Variants in SLCO5A1 observed in about 807,000 individuals in gnomAD.
SLCO5A1 encodes the protein organic anion transporter polypeptide-related protein 4.
Under a neutral mutation model 65.1 loss-of-function variants are expected in SLCO5A1, and 39 were observed. That is an observed-to-expected ratio of 0.60 (90% CI 0.46 to 0.78). The LOEUF is 0.78. Ranked by LOEUF, SLCO5A1 falls within the 30% of genes least tolerant of loss-of-function variation. SLCO5A1 has a pLI of 0.00. For synonymous variants in SLCO5A1, 438 were observed against 415.7 expected (o/e 1.05, Z -0.65); for missense variants, 1,029 against 1,069.4 (o/e 0.96, Z 0.53).
chr8:69,813,311 C>T (rs558970966), intron 2 of SLCO5A1, among the ~76,000 whole-genome samples: 2 of 152,320 alleles, frequency 1.3e-5, no homozygotes, highest in Admixed American at 1.3e-4. Context: ...TAAGAATTCC[C>T]ACATGCTAGA....
chr8:69,813,990 T>C (rs779013399), intron 2 of SLCO5A1, among the ~76,000 whole-genome samples: 2 of 152,158 alleles, frequency 1.3e-5, no homozygotes, highest in Non-Finnish European at 2.9e-5. Flanking sequence ...ATCTATAAAA[T>C]GTGAGAAGTA....
chr8:69,742,535 A>G (rs1408085134), intron 4 of SLCO5A1, among the ~76,000 whole-genome samples: 2 of 152,216 alleles, frequency 1.3e-5, no homozygotes, highest in Non-Finnish European at 2.9e-5. Context: ...CCAAAATTCA[A>G]GAGGTTATAA....
chr8:69,809,122 A>G (rs1414877805), intron 2 of SLCO5A1, among the ~76,000 whole-genome samples: 12 of 152,158 alleles, frequency 7.9e-5, no homozygotes, highest in Non-Finnish European at 2.9e-5. Flanking sequence ...AATAAATAAA[A>G]GAATTCATAA....
chr8:69,794,013 A>T (rs1819385330), intron 2 of SLCO5A1: 1 of 184,194 alleles, frequency 5.4e-6, no homozygotes, highest in South Asian at 1.2e-4. Flanking sequence ...GCCCAGAGAG[A>T]TCAAGTCTGC....
rs774859214 is a variant in SLCO5A1 at position 69,673,197 on chromosome 8, C to A, written c.2219G>T (p.Gly740Val). The A allele has an allele frequency of 6.2e-7, 1 of 1,614,176 alleles. No homozygotes were observed. Among genetic ancestry groups the A allele is most frequent in the South Asian group, 1.1e-5 (1 of 91,080 alleles). The change falls in exon 10 of 10, where the codon GGT (glycine) becomes GTT (valine). Residue 740 changes from glycine to valine, a missense_variant. By Grantham distance (109) the Gly-to-Val change is moderately radical. Around this residue, in one of 3 missense-constraint regions of SLCO5A1, gnomAD observed 258 missense variants for 237.4 expected, o/e 1.09. Coordinates refer to ENST00000260126, the MANE Select transcript of SLCO5A1 (RefSeq NM_030958.3). ...AACGAATTTGAGGCCGGCAGCCAAACCAAAATACACAAAACGAAACGACGT... is the reference window on the plus strand; with the variant it reads ...AACGAATTTGAGGCCGGCAGCCAAAACAAAATACACAAAACGAAACGACGT... Reference protein sequence around the residue: ...NVTSFRFVYFGLAAGLKFVGF... With the variant: ...NVTSFRFVYFVLAAGLKFVGF...
intron 2 of SLCO5A1, among the ~76,000 whole-genome samples, chr8:69,765,259 TAC>T (rs1818006804): frequency 6.6e-6 from 1 of 152,102 alleles, no homozygotes; most frequent in East Asian, 1.9e-4. Context: ...CATATACAAC[TAC>T]ATATATGTGT....
chr8:69,731,666 C>A (rs1228437461), intron 5 of SLCO5A1, among the ~76,000 whole-genome samples: 1 of 152,234 alleles, frequency 6.6e-6, no homozygotes, highest in East Asian at 1.9e-4. Context: ...GATATTAATA[C>A]ATACCTCTCT....
At chr8:69,830,567 C>A (rs1821113848) in intron 2 of SLCO5A1, among the ~76,000 whole-genome samples, 1 of 152,122 alleles carries the variant, frequency 6.6e-6, no homozygotes, top group African/African-American at 2.4e-5. Flanking sequence ...AATAGAAAAA[C>A]AAAAATCTCA....
chr8:69,715,017 T>C (rs1438723690), intron 5 of SLCO5A1: 1 of 152,202 alleles, frequency 6.6e-6, no homozygotes, highest in African/African-American at 2.4e-5. Flanking sequence ...TAAAAGAGAA[T>C]GCTGAGCTGT....
chr8:69,680,699 C>T (rs1813732234), intron 7 of SLCO5A1, among the ~76,000 whole-genome samples: 1 of 151,942 alleles, frequency 6.6e-6, no homozygotes. Flanking sequence ...TTTGAGAAAT[C>T]TCCAAACTGC....
intron 3 of SLCO5A1, among the ~76,000 whole-genome samples, chr8:69,756,967 C>T (rs1817563875): frequency 6.6e-6 from 1 of 152,234 alleles, no homozygotes. Context: ...TCAACACATT[C>T]CCATCAACTG....
At chr8:69,814,535 GA>G (rs1820328946) in intron 2 of SLCO5A1, among the ~76,000 whole-genome samples, 1 of 152,150 alleles carries the variant, frequency 6.6e-6, no homozygotes, top group African/African-American at 2.4e-5. Flanking sequence ...GGAGAAAGGG[GA>G]AAACTTGTAC....
intron 4 of SLCO5A1, among the ~76,000 whole-genome samples, chr8:69,743,240 G>A (rs971397074): frequency 2.6e-5 from 4 of 152,168 alleles, no homozygotes; most frequent in Admixed American, 2.6e-4. Context: ...TGATATGTTT[G>A]TAATTTTTTG....
intron 2 of SLCO5A1, among the ~76,000 whole-genome samples, chr8:69,826,440 A>T (rs1422649849): frequency 6.6e-6 from 1 of 151,952 alleles, no homozygotes; most frequent in Admixed American, 6.6e-5. Context: ...ACAAGAAAAA[A>T]ACAAACAACC....
intron 5 of SLCO5A1, among the ~76,000 whole-genome samples, chr8:69,713,008 T>C (rs1035074458): frequency 6.6e-6 from 1 of 152,194 alleles, no homozygotes; most frequent in Non-Finnish European, 1.5e-5. Flanking sequence ...ATCTAGATGG[T>C]GCCTGAAAAA....
chr8:69,685,783 TG>T (rs928208291), intron 6 of SLCO5A1, among the ~76,000 whole-genome samples: 5 of 152,152 alleles, frequency 3.3e-5, no homozygotes, highest in Non-Finnish European at 5.9e-5. Context: ...AAACCAGCCC[TG>T]GGGAGACAGC....
chr8:69,679,133 A>G (rs781073185), intron 8 of SLCO5A1, among the ~76,000 whole-genome samples: 18 of 152,240 alleles, frequency 1.2e-4, no homozygotes, highest in Non-Finnish European at 2.6e-4. Context: ...ACGTTTCATT[A>G]TACAGTAAGA....
chr8:69,696,340 GCCTTGGAGAAAGAGGAGC>G (rs1814498164), intron 6 of SLCO5A1, among the ~76,000 whole-genome samples: 1 of 152,180 alleles, frequency 6.6e-6, no homozygotes, highest in Non-Finnish European at 1.5e-5. Flanking sequence ...GGCAGAGGCC[GCCTTGGAGAAAGAGGAGC>G]CAGCCTGCCC....
At chr8:69,756,152 G>T (rs375799595) in intron 3 of SLCO5A1, among the ~76,000 whole-genome samples, 6 of 152,074 alleles carry the variant, frequency 3.9e-5, no homozygotes, top group Non-Finnish European at 8.8e-5. Flanking sequence ...AGCTGGGCGC[G>T]GTGACTCACA....
Sources: allele counts gnomAD v4.1 joint callset (sites outside exome capture counted in the v4.1 genomes callset), GRCh38; gene constraint gnomAD v4.1.1; regional missense constraint gnomAD v4.1.1; transcripts MANE v1.5; gene names NCBI Gene and HGNC (gene_info 2026-07-23, HGNC 2026-07-21).